LRPPRC: variants seen among roughly 807,000 people sequenced by gnomAD.
LRPPRC encodes the protein leucine rich pentatricopeptide repeat containing.
LRPPRC carries 120 observed loss-of-function variants against 180.3 expected under a neutral mutation model. The observed-to-expected ratio is 0.67, with a 90% CI of 0.57 to 0.77. The LOEUF (loss-of-function observed/expected upper bound fraction) is 0.77, where lower values mean the gene tolerates loss of function less well. LRPPRC is among the 30% of genes least tolerant of loss of function. LRPPRC has a pLI of 0.00. For synonymous variants in LRPPRC, 723 were observed against 600.0 expected, an observed-to-expected ratio of 1.21 and a Z score of -3.00; for missense variants, 2,012 against 1,657.2, an observed-to-expected ratio of 1.21 and a Z score of -3.72.
intron 3 of LRPPRC, among the ~76,000 whole-genome samples, chr2:43,978,924 G>T (rs1674178283): frequency 6.6e-6 from 1 of 151,952 alleles, no homozygotes; most frequent in African/African-American, 2.4e-5. Context: ...GATTTTCTGG[G>T]ATTTTGCAGA....
intron 13 of LRPPRC, 76 bp downstream of exon 13, chr2:43,960,465 G>A (rs961704883): frequency 7.1e-6 from 6 of 843,030 alleles, no homozygotes; most frequent in African/African-American, 1.7e-5. Context: ...CTTTCATTGC[G>A]TGAACCACCC....
At chr2:43,984,288 A>G (rs909574226) in intron 1 of LRPPRC, among the ~76,000 whole-genome samples, 2 of 152,212 alleles carry the variant, frequency 1.3e-5, no homozygotes, top group East Asian at 1.9e-4. Flanking sequence ...TGTGAAGTCT[A>G]TTTGCCAAAG....
intron 25 of LRPPRC, among the ~76,000 whole-genome samples, chr2:43,932,197 G>A (rs539161136): frequency 2.3e-4 from 32 of 137,142 alleles, no homozygotes; most frequent in Admixed American, 1.1e-3. Context: ...CATGATACAT[G>A]TATGCCAATT....
At chr2:43,937,939 A>G (rs1383269833) in intron 23 of LRPPRC, among the ~76,000 whole-genome samples, 2 of 152,216 alleles carry the variant, frequency 1.3e-5, no homozygotes, top group Non-Finnish European at 2.9e-5. Context: ...TGATCTGTGA[A>G]TTTCTTTGAG....
chr2:43,888,873 C>T (rs761048107), intron 37 of LRPPRC, among the ~76,000 whole-genome samples: 10 of 151,854 alleles, frequency 6.6e-5, no homozygotes, highest in East Asian at 1.9e-4. Context: ...AGGTAGGGTG[C>T]GTGTGTGTAT....
chr2:43,944,535 A>T (rs1029166333), intron 22 of LRPPRC, among the ~76,000 whole-genome samples: 1 of 152,120 alleles, frequency 6.6e-6, no homozygotes, highest in Non-Finnish European at 1.5e-5. Context: ...TTTTAAAAAA[A>T]TAGGCTAATC....
rs776900302 is a variant in LRPPRC at position 43,894,613 on chromosome 2, G to A, written c.3917C>T (p.Ser1306Phe). ...TAATTCAGGAATCAATTCTAACACA[G>A]ATTTCACAGTTGATGCCTAGGAAAT... The part of the protein sequence containing the change: ...RKQGKASTVK[S>F]VLELIPELNE... Residue 1306 changes from serine to phenylalanine, a missense_variant, in exon 36 of 38, where the codon TCT becomes TTT. Ser to Phe is a radical substitution (Grantham distance 155). Coordinates refer to ENST00000260665, the MANE Select transcript of LRPPRC (RefSeq NM_133259.4). The A allele has an allele frequency of 1.3e-6, 2 of 1,568,032 alleles. No individual in the cohort carries two copies. The highest frequency in any genetic ancestry group is 3.3e-5 in the Admixed American group (2 of 59,932).
At chr2:43,911,989 G>A (rs1027835928) in intron 30 of LRPPRC, among the ~76,000 whole-genome samples, 14 of 152,072 alleles carry the variant, frequency 9.2e-5, no homozygotes, top group African/African-American at 3.4e-4. Flanking sequence ...TACGGAAGAA[G>A]AACTAAGGAT....
In LRPPRC at chr2:43,995,523, A is replaced by G. The variant is rs12712903; in HGVS notation, c.149+276T>C. ...AAAGCCCCCCTCATCTTCGTTGACC[A>G]TGGGTACCCCGAGGGCAGTAAGGTC... On this transcript the variant is annotated intron_variant, in intron 1 of 37. Coordinates refer to ENST00000260665, the MANE Select transcript of LRPPRC (RefSeq NM_133259.4). 0.65 allele frequency among the ~76,000 whole-genome samples: 99,055 copies of G among 152,144 alleles called. 33,564 individuals carry two copies. The highest frequency in any genetic ancestry group is 0.7 in the Non-Finnish European group (47,443 of 67,972).
Position 43,887,155 on chromosome 2 carries a change from A to AAAAAAAAAAAAAC in LRPPRC, c.*1444_*1445insGTTTTTTTTTTTT. 1 of 151,344 alleles carries AAAAAAAAAAAAAC rather than the reference A, an allele frequency of 6.6e-6. No homozygotes were observed. Among genetic ancestry groups the AAAAAAAAAAAAAC allele is most frequent in the Non-Finnish European group, 1.5e-5 (1 of 67,996 alleles). 9.4% of individuals were successfully genotyped at this position (151,344 alleles called of 1,614,324 possible). On this transcript the variant is annotated 3_prime_UTR_variant, in exon 38 of 38. Coordinates refer to ENST00000260665, the MANE Select transcript of LRPPRC (RefSeq NM_133259.4). The stretch of plus-strand genomic sequence containing the variant: ...AGCAAGACTATCTCAAAAAAAAAAA[A>AAAAAAAAAAAAAC]AAAAAAAAAGATGCTTTTGGCAAAC...
chr2:43,894,202 C>A (rs1670599312), intron 36 of LRPPRC, among the ~76,000 whole-genome samples: 1 of 152,108 alleles, frequency 6.6e-6, no homozygotes, highest in African/African-American at 2.4e-5. Flanking sequence ...GTGGCAGGCC[C>A]TTGGGGAGAC....
chr2:43,963,827 T>C, intron 11 of LRPPRC, 121 bp from the exon 12 acceptor site: 1 of 755,770 alleles, frequency 1.3e-6, no homozygotes. Context: ...AGCAATTCGT[T>C]TGTCTAAAAG....
intron 11 of LRPPRC, 109 bp from the exon 12 acceptor site, chr2:43,963,815 T>G: frequency 1.3e-6 from 1 of 770,194 alleles, no homozygotes; most frequent in Non-Finnish European, 2.3e-6. Context: ...AGAAAATTAC[T>G]CAGCAATTCG....
chr2:43,927,112 C>T (rs1230515848), intron 25 of LRPPRC, among the ~76,000 whole-genome samples: 4 of 152,158 alleles, frequency 2.6e-5, no homozygotes, highest in Non-Finnish European at 5.9e-5. Context: ...TGCAAGAGGG[C>T]TTCACCATTA....
At chr2:43,903,818 T>A (rs1326991329) in intron 31 of LRPPRC, 3 of 152,214 alleles carry the variant, frequency 2.0e-5, no homozygotes, top group African/African-American at 7.2e-5. Flanking sequence ...TTTGTTCTTA[T>A]CTCCATGTCT....
intron 3 of LRPPRC, among the ~76,000 whole-genome samples, chr2:43,978,974 T>C (rs1674179955): frequency 6.6e-6 from 1 of 152,134 alleles, no homozygotes; most frequent in Admixed American, 6.5e-5. Context: ...ACTTCTTGTA[T>C]TGTTTCACAT....
chr2:43,925,182 A>T, intron 26 of LRPPRC, 25 bp from the exon 27 acceptor site: 1 of 1,103,720 alleles, frequency 9.1e-7, no homozygotes, highest in Non-Finnish European at 1.4e-6. Context: ...TAAGAGATAG[A>T]TCTACCTTGT....
At chr2:43,933,390 G>A (rs181638729) in intron 25 of LRPPRC, among the ~76,000 whole-genome samples, 152 of 152,214 alleles carry the variant, frequency 1.0e-3, no homozygotes, top group Non-Finnish European at 1.8e-3. Flanking sequence ...TTTGGAAAAC[G>A]ACATTGACCA....
chr2:43,923,177 TAA>T (rs9309110), intron 27 of LRPPRC, among the ~76,000 whole-genome samples: 276 of 130,542 alleles, frequency 2.1e-3, no homozygotes, highest in African/African-American at 6.7e-3. Flanking sequence ...TTTGTTTCTT[TAA>T]AAAAAAAAAA....
Sources: allele counts gnomAD v4.1 joint callset (sites outside exome capture counted in the v4.1 genomes callset), GRCh38; gene constraint gnomAD v4.1.1; transcripts MANE v1.5; gene names NCBI Gene and HGNC (gene_info 2026-07-23, HGNC 2026-07-21).